SNAPC2: variants seen among roughly 807,000 people sequenced by gnomAD.
SNAPC2 encodes the protein small nuclear RNA activating complex polypeptide 2.
SNAPC2 carries 27 observed loss-of-function variants against 22.9 expected under a neutral mutation model. The observed-to-expected ratio is 1.18, with a 90% CI of 0.87 to 1.63. SNAPC2 has a LOEUF of 1.63. Ranked by LOEUF, SNAPC2 falls within the 40% of genes most tolerant of loss-of-function variation. SNAPC2 has a pLI of 0.00. For missense variants in SNAPC2, 570 were observed against 449.1 expected, an observed-to-expected ratio of 1.27 and a Z score of -2.43; for synonymous variants, 272 against 201.0, an observed-to-expected ratio of 1.35 and a Z score of -2.99.
intron 1 of SNAPC2, chr19:7,921,061 G>GATGCT (rs1568288557): frequency 1.7e-6 from 2 of 1,185,756 alleles, no homozygotes; most frequent in Non-Finnish European, 2.1e-6. Flanking sequence ...CTGGGAGTAA[G>GATGCT]ATGCTGCCGA....
In SNAPC2 at chr19:7,922,018, A is replaced by G; in HGVS notation, c.373-17A>G. 6.3e-7 allele frequency: 1 copy of G among 1,596,396 alleles called. No homozygotes were observed. Among genetic ancestry groups the G allele is most frequent in the Non-Finnish European group, 8.6e-7 (1 of 1,169,466 alleles). ...ACTTCCCAGCTCCTCTTCCTCCCTG[A>G]TTGTTCTGCCTGCCAGGTGCTCACC... On this transcript the variant is annotated splice_polypyrimidine_tract_variant and intron_variant, in intron 3 of 4. Coordinates refer to ENST00000221573, the MANE Select transcript of SNAPC2 (RefSeq NM_003083.4).
chr19:7,921,499 A>G lies in SNAPC2; in HGVS notation c.260A>G (p.Gln87Arg). The G allele has an allele frequency of 6.2e-7, 1 of 1,613,792 alleles. No individual in the cohort carries two copies. Among genetic ancestry groups the G allele is most frequent in the Non-Finnish European group, 8.5e-7 (1 of 1,179,852 alleles). ...AIQKVHPGGL[Q>R]GPRRREAQPP... is the part of the protein sequence containing the mutation. ...CAGAAAGTGCATCCGGGTGGCCTTCAGGGACCAAGGCGCCGGGAGGCACAG... is the reference window on the plus strand; with the variant it reads ...CAGAAAGTGCATCCGGGTGGCCTTCGGGGACCAAGGCGCCGGGAGGCACAG... Residue 87 changes from glutamine (Q) to arginine (R), a missense_variant, in exon 2 of 5, where the codon CAG becomes CGG. By Grantham distance (43) the Gln-to-Arg change is conservative. Coordinates refer to ENST00000221573, the MANE Select transcript of SNAPC2 (RefSeq NM_003083.4).
chr19:7,922,543 C>G lies in SNAPC2; in HGVS notation c.784C>G (p.Arg262Gly). Reference protein sequence around the residue: ...LVEHMTETYLRLTAPQPIPAG... With the variant: ...LVEHMTETYLGLTAPQPIPAG... ...TGAGCATATGACGGAGACGTACCTACGCCTGACAGCCCCCCAGCCCATTCC... is the reference window on the plus strand; with the variant it reads ...TGAGCATATGACGGAGACGTACCTAGGCCTGACAGCCCCCCAGCCCATTCC... Residue 262 changes from arginine (R) to glycine (G), a missense_variant, in exon 5 of 5, where the codon CGC (arginine) becomes GGC (glycine). By Grantham distance (125) the Arg-to-Gly change is moderately radical. Coordinates refer to ENST00000221573, the MANE Select transcript of SNAPC2 (RefSeq NM_003083.4). The G allele has an allele frequency of 6.2e-7, 1 of 1,613,152 alleles. No individual in the cohort carries two copies. Among genetic ancestry groups the G allele is most frequent in the Non-Finnish European group, 8.5e-7 (1 of 1,179,618 alleles).
At chr19:7,921,168 A>G in intron 1 of SNAPC2, 2 of 1,409,098 alleles carry the variant, frequency 1.4e-6, no homozygotes, top group Non-Finnish European at 1.8e-6. Flanking sequence ...TGAACGGGGT[A>G]GTAGTCAGCA....
Position 7,921,920 on chromosome 19 carries a change from C to G in SNAPC2, c.373-115C>G. 3 of 1,403,392 alleles carry G rather than the reference C, an allele frequency of 2.1e-6. No homozygotes were observed. The South Asian group carries it at 3.8e-5, about 18-fold the overall frequency. The allele number at this position is 1,403,392 out of a possible 1,614,324, so 86.9% of individuals were successfully genotyped here. Reference sequence around the variant, plus strand: ...ACCTCGAGCCTCAGTGTCCCTGGCTCTGAGGCCATCTCTTGTCTGAGGAGC... The same window carrying G: ...ACCTCGAGCCTCAGTGTCCCTGGCTGTGAGGCCATCTCTTGTCTGAGGAGC... On this transcript the variant is annotated intron_variant, in intron 3 of 4. Coordinates refer to ENST00000221573, the MANE Select transcript of SNAPC2 (RefSeq NM_003083.4).
chr19:7,921,902 G>A, intron 3 of SNAPC2, 129 bp downstream of exon 3: 5 of 1,355,218 alleles, frequency 3.7e-6, no homozygotes, highest in Non-Finnish European at 5.2e-6. Context: ...GACACCTCGA[G>A]CCTCAGTGTC....
At position 7,922,841 on chromosome 19, in the gene SNAPC2, C is replaced by T. The variant is rs1390639213; in HGVS notation, c.*77C>T. 1.0e-5 allele frequency: 12 copies of T among 1,177,414 alleles called. No individual in the cohort carries two copies. Among genetic ancestry groups the T allele is most frequent in the African/African-American group, 1.5e-5 (1 of 65,256 alleles). The allele number at this position is 1,177,414 out of a possible 1,614,324, so 72.9% of individuals were successfully genotyped here. On this transcript the variant is annotated 3_prime_UTR_variant, in exon 5 of 5. Coordinates refer to ENST00000221573, the MANE Select transcript of SNAPC2 (RefSeq NM_003083.4). ...TCTGCTCGGCTGGCCCTGGCTCTTT[C>T]TGAGGATCCCGTCATGGGGGAAGGT... is the stretch of plus-strand genomic sequence containing the variant.
Position 7,922,972 on chromosome 19 carries a change from GACTCC to G in SNAPC2, c.*213_*217del. ...TACAGGGGTTGGGTGGGGGTTGCAG[GACTCC>G]ACTCACAAGCCTCCTGATGTCAAGG... On this transcript the variant is annotated 3_prime_UTR_variant, in exon 5 of 5. Coordinates refer to ENST00000221573, the MANE Select transcript of SNAPC2 (RefSeq NM_003083.4). 1 of 520,926 alleles carries G rather than the reference GACTCC, an allele frequency of 1.9e-6. No individual in the cohort carries two copies. The allele number at this position is 520,926 out of a possible 1,614,324, so 32.3% of individuals were successfully genotyped here.
intron 1 of SNAPC2, 101 bp from the exon 2 acceptor site, chr19:7,921,322 G>A (rs1024965176): frequency 1.1e-5 from 17 of 1,572,182 alleles, no homozygotes; most frequent in Middle Eastern, 1.7e-4. Context: ...AGACTAAGGC[G>A]CAGTAGCGGG....
Position 7,922,627 on chromosome 19 carries a change from G to C in SNAPC2, c.868G>C (p.Glu290Gln). The C allele has an allele frequency of 6.2e-7, 1 of 1,612,038 alleles. No homozygotes were observed. The highest frequency in any genetic ancestry group is 8.5e-7 in the Non-Finnish European group (1 of 1,179,306). ...GGATGGGGCTGGCTCCAAGGCACCA[G>C]AGGAGACCCCCCCAGCCACCGAGAA... ...EGDGAGSKAP[E>Q]ETPPATEKAE... is the part of the protein sequence containing the mutation. The change falls in exon 5 of 5, where the codon GAG (glutamate) becomes CAG (glutamine). Residue 290 changes from glutamate (E) to glutamine (Q), a missense_variant. Coordinates refer to ENST00000221573, the MANE Select transcript of SNAPC2 (RefSeq NM_003083.4).
Position 7,922,178 on chromosome 19 carries a change from T to C in SNAPC2, c.516T>C (p.Pro172=). 1.2e-6 allele frequency: 2 copies of C among 1,614,098 alleles called. No individual in the cohort carries two copies. Among genetic ancestry groups the C allele is most frequent in the South Asian group, 2.2e-5 (2 of 91,086 alleles). The part of the protein sequence containing the change: ...DPAPEIPSSA[P]AAPSSAPRTP... ...CCCCTGAAATACCTAGCTCTGCCCC[T>C]GCTGCACCTAGCTCCGCACCCAGGA... Residue 172 remains proline, a synonymous_variant, in exon 4 of 5, where the codon CCT becomes CCC. Transcript: ENST00000221573.
chr19:7,921,576 G>T, intron 2 of SNAPC2, 34 bp downstream of exon 2: 1 of 1,605,334 alleles, frequency 6.2e-7, no homozygotes, highest in Non-Finnish European at 8.5e-7. Context: ...GCTGTCCAGG[G>T]CAGGTCCCTG....
At chr19:7,921,129 A>G (rs558981254) in intron 1 of SNAPC2, 317 of 1,337,440 alleles carry the variant, frequency 2.4e-4, no homozygotes, top group Non-Finnish European at 3.0e-4. Context: ...AGTGAGAGGG[A>G]ATAGAGAAGA....
At position 7,922,215 on chromosome 19, in the gene SNAPC2, G is replaced by C. The variant is rs200817922; in HGVS notation, c.553G>C (p.Ala185Pro). 1.9e-6 allele frequency: 3 copies of C among 1,613,994 alleles called. No homozygotes were observed. Among genetic ancestry groups the C allele is most frequent in the Non-Finnish European group, 2.5e-6 (3 of 1,180,032 alleles). ...PSSAPRTPDP[A>P]PEKPSESSAG... ...CTCCGCACCCAGGACTCCTGACCCT[G>C]CCCCTGAGAAACCTTCTGAGTCGTC... is the stretch of plus-strand genomic sequence containing the variant. Residue 185 changes from alanine (A) to proline (P), a missense_variant, in exon 4 of 5, where the codon GCC becomes CCC. By Grantham distance (27) the Ala-to-Pro change is conservative. Transcript: ENST00000221573.
chr19:7,920,987 T>C, intron 1 of SNAPC2: 1 of 1,122,288 alleles, frequency 8.9e-7, no homozygotes, highest in Non-Finnish European at 1.1e-6. Context: ...AGGGCAAGCT[T>C]TAAAGGCGGG....
At chr19:7,921,366 C>G in intron 1 of SNAPC2, 57 bp from the exon 2 acceptor site, 1 of 1,612,434 alleles carries the variant, frequency 6.2e-7, no homozygotes, top group Non-Finnish European at 8.5e-7. Context: ...GCTTTGGCTT[C>G]TCTGCTGCAG....
intron 1 of SNAPC2, chr19:7,920,877 G>C: frequency 8.1e-6 from 8 of 988,890 alleles, no homozygotes; most frequent in Non-Finnish European, 1.0e-5. Flanking sequence ...GAGTTTGAGG[G>C]GCAGGACGAG....
rs201014690 is a variant in SNAPC2 at position 7,922,713 on chromosome 19, G to A, written c.954G>A (p.Pro318=). ...WQAAGICPLN[P]FLVPLELLGR... Reference sequence around the variant, plus strand: ...CAGCTGGGATCTGTCCCCTGAACCCGTTCCTGGTGCCCCTGGAGCTTCTGG... The same window carrying A: ...CAGCTGGGATCTGTCCCCTGAACCCATTCCTGGTGCCCCTGGAGCTTCTGG... Residue 318 remains proline, a synonymous_variant, in exon 5 of 5, where the codon CCG becomes CCA. Transcript: ENST00000221573. 82 of 1,607,450 alleles carry A rather than the reference G, an allele frequency of 5.1e-5. No individual in the cohort carries two copies. Among genetic ancestry groups the A allele is most frequent in the African/African-American group, 4.8e-4 (36 of 74,910 alleles).
rs1983642300 is a variant in SNAPC2 at position 7,922,941 on chromosome 19, C to T, written c.*177C>T. The T allele has an allele frequency of 3.5e-6, 2 of 567,014 alleles. No individual in the cohort carries two copies. The highest frequency in any genetic ancestry group is 6.1e-6 in the Non-Finnish European group (2 of 325,864). 35.1% of individuals were successfully genotyped at this position (567,014 alleles called of 1,614,324 possible). A position where few individuals can be genotyped will look rare whatever the true frequency, so the allele number is the denominator to read the frequency against. ...TTTGGGGGTCTCAGAAATGGAACCC[C>T]CGTTGTACAGGGGTTGGGTGGGGGT... is the stretch of plus-strand genomic sequence containing the variant. On this transcript the variant is annotated 3_prime_UTR_variant, in exon 5 of 5. Transcript: ENST00000221573.
Sources: allele counts gnomAD v4.1 joint callset, GRCh38; gene constraint gnomAD v4.1.1; transcripts MANE v1.5; gene names NCBI Gene and HGNC (gene_info 2026-07-23, HGNC 2026-07-21).